NETO2: variants seen among roughly 807,000 people sequenced by gnomAD.
NETO2 encodes neuropilin and tolloid-like protein 2.
A neutral mutation model predicts 62.5 loss-of-function variants in NETO2; 28 were observed. That is an observed-to-expected ratio of 0.45 (90% CI 0.33 to 0.61). NETO2 has a LOEUF of 0.61. NETO2 is among the 20% of genes least tolerant of loss of function. The pLI, the probability that NETO2 is intolerant of heterozygous loss-of-function variation, is 0.02. For missense variants in NETO2, 548 were observed against 643.2 expected (o/e 0.85, Z 1.60); for synonymous variants, 214 against 219.1 (o/e 0.98, Z 0.21).
At chr16:47,088,503 C>G (rs995784435) in intron 7 of NETO2, among the ~76,000 whole-genome samples, 1 of 152,138 alleles carries the variant, frequency 6.6e-6, no homozygotes, top group South Asian at 2.1e-4. Flanking sequence ...AAAATATTTG[C>G]TGCACCAAGG....
intron 4 of NETO2, among the ~76,000 whole-genome samples, chr16:47,125,213 T>C (rs80114127): frequency 6.6e-6 from 1 of 152,224 alleles, no homozygotes; most frequent in Non-Finnish European, 1.5e-5. Flanking sequence ...ATAAAATAGC[T>C]GACCAATTTA....
intron 6 of NETO2, among the ~76,000 whole-genome samples, chr16:47,119,785 T>C (rs2151484212): frequency 1.3e-5 from 2 of 152,344 alleles, no homozygotes; most frequent in Middle Eastern, 3.4e-3. Context: ...AGTATATTAT[T>C]ATATTTCCAA....
chr16:47,099,672 T>A (rs1963501810), intron 7 of NETO2, among the ~76,000 whole-genome samples: 1 of 151,550 alleles, frequency 6.6e-6, no homozygotes, highest in Non-Finnish European at 1.5e-5. Flanking sequence ...TAGTCTCTGA[T>A]AAAACAGACT....
rs2143900180 is a variant in NETO2 at position 47,109,613 on chromosome 16, C to T, written c.753G>A (p.Leu251=). Residue 251 remains leucine, a synonymous_variant, in exon 7 of 9, where the codon CTG becomes CTA. Transcript: ENST00000562435. The part of the protein sequence containing the change: ...VYDGSSSIEN[L]KAKFCSTVAN... Reference sequence around the variant, plus strand: ...CCACAGTGCTGCAAAACTTGGCCTTCAGGTTTTCAATAGAACTGCTTCCAT... The same window carrying T: ...CCACAGTGCTGCAAAACTTGGCCTTTAGGTTTTCAATAGAACTGCTTCCAT... 1 of 1,614,116 alleles carries T rather than the reference C, an allele frequency of 6.2e-7. No homozygotes were observed. Among genetic ancestry groups the T allele is most frequent in the African/African-American group, 1.3e-5 (1 of 75,040 alleles).
intron 1 of NETO2, among the ~76,000 whole-genome samples, chr16:47,143,346 G>A (rs1312820010): frequency 6.6e-6 from 1 of 151,966 alleles, no homozygotes; most frequent in African/African-American, 2.4e-5. Flanking sequence ...TCCCACACGC[G>A]CCCCGCGAAC....
At chr16:47,100,278 G>A (rs1400531652) in intron 7 of NETO2, among the ~76,000 whole-genome samples, 2 of 152,154 alleles carry the variant, frequency 1.3e-5, no homozygotes, top group East Asian at 1.9e-4. Context: ...CAGATACAAC[G>A]TACCAGAATC....
intron 1 of NETO2, among the ~76,000 whole-genome samples, chr16:47,136,844 C>A (rs887199001): frequency 1.3e-5 from 2 of 151,448 alleles, no homozygotes; most frequent in African/African-American, 4.9e-5. Flanking sequence ...AAAATAAATA[C>A]TAGATTGGGA....
At chr16:47,084,261 G>T (rs1389416076) in intron 8 of NETO2, among the ~76,000 whole-genome samples, 1 of 152,166 alleles carries the variant, frequency 6.6e-6, no homozygotes, top group Non-Finnish European at 1.5e-5. Flanking sequence ...TACTGTTTTT[G>T]AATGATTAAC....
intron 2 of NETO2, 68 bp downstream of exon 2, chr16:47,131,901 G>T: frequency 7.7e-7 from 1 of 1,297,896 alleles, no homozygotes; most frequent in Non-Finnish European, 1.1e-6. Flanking sequence ...CCCAAAAGTT[G>T]CAATCCTTTC....
intron 1 of NETO2, among the ~76,000 whole-genome samples, chr16:47,140,737 A>C (rs1359726372): frequency 1.3e-5 from 2 of 152,214 alleles, no homozygotes; most frequent in African/African-American, 4.8e-5. Flanking sequence ...ATTTCTGTAT[A>C]ACTAGTTTAT....
intron 7 of NETO2, among the ~76,000 whole-genome samples, chr16:47,092,272 T>C (rs537199973): frequency 1.3e-5 from 2 of 152,242 alleles, no homozygotes; most frequent in South Asian, 2.1e-4. Flanking sequence ...GCGGCTCCCT[T>C]TTGTTGTCCT....
rs1964216368 is a variant in NETO2, at chr16:47,129,252, T to C, written c.204A>G (p.Pro68=). The C allele has an allele frequency of 6.2e-7, 1 of 1,614,092 alleles. No individual in the cohort carries two copies. Among genetic ancestry groups the C allele is most frequent in the Non-Finnish European group, 8.5e-7 (1 of 1,179,942 alleles). ...CCAAAATGTAGATACACTCCTTGTT[T>C]GGTGGATATGAGTCAGGATAATTTG... ...ASPNYPDSYP[P]NKECIYILEA... The change falls in exon 3 of 9, where the codon CCA becomes CCG. Residue 68 remains proline, a synonymous_variant. Coordinates refer to ENST00000562435, the MANE Select transcript of NETO2 (RefSeq NM_018092.5).
intron 1 of NETO2, among the ~76,000 whole-genome samples, chr16:47,136,485 T>A (rs907406940): frequency 3.9e-5 from 6 of 152,204 alleles, no homozygotes; most frequent in Non-Finnish European, 8.8e-5. Context: ...TTGGCTCACT[T>A]AACCTCTGCT....
chr16:47,093,134 A>G (rs1470085406), intron 7 of NETO2, among the ~76,000 whole-genome samples: 1 of 152,144 alleles, frequency 6.6e-6, no homozygotes, highest in Non-Finnish European at 1.5e-5. Context: ...CTGTAAGATG[A>G]GTCTACATTT....
chr16:47,097,028 C>G (rs1218037295), intron 7 of NETO2, among the ~76,000 whole-genome samples: 2 of 152,222 alleles, frequency 1.3e-5, no homozygotes, highest in African/African-American at 2.4e-5. Flanking sequence ...TCACAACCCG[C>G]AGACCAGGAG....
At chr16:47,105,074 T>C (rs1333195966) in intron 7 of NETO2, among the ~76,000 whole-genome samples, 2 of 151,768 alleles carry the variant, frequency 1.3e-5, no homozygotes, top group East Asian at 3.9e-4. Flanking sequence ...GGGGTTTTGC[T>C]ATGTTGACCA....
At chr16:47,114,324 G>T (rs1963861984) in intron 6 of NETO2, among the ~76,000 whole-genome samples, 1 of 139,566 alleles carries the variant, frequency 7.2e-6, no homozygotes, top group African/African-American at 2.7e-5. Flanking sequence ...CTGGATGAAA[G>T]AAATCTTTTC....
At chr16:47,127,053 A>G (rs1364414505) in intron 4 of NETO2, among the ~76,000 whole-genome samples, 2 of 152,260 alleles carry the variant, frequency 1.3e-5, no homozygotes, top group Non-Finnish European at 2.9e-5. Flanking sequence ...GATATACACC[A>G]AATTGTTCAC....
chr16:47,128,199 T>C, intron 4 of NETO2, 126 bp downstream of exon 4: 1 of 1,195,316 alleles, frequency 8.4e-7, no homozygotes, highest in Non-Finnish European at 1.2e-6. Context: ...CCCTTTGACT[T>C]TGCTAATTTG....
Sources: allele counts gnomAD v4.1 joint callset (sites outside exome capture counted in the v4.1 genomes callset), GRCh38; gene constraint gnomAD v4.1.1; transcripts MANE v1.5; gene names NCBI Gene and HGNC (gene_info 2026-07-23, HGNC 2026-07-21).